The following CSTF3 variants were observed in gnomAD, a reference collection of about 807,000 sequenced individuals.
The protein encoded by CSTF3 is cleavage stimulation factor subunit 3, also known as CF-1 77 kDa subunit.
Under a neutral mutation model 105.8 loss-of-function variants are expected in CSTF3, and 29 were observed. The ratio of observed to expected loss-of-function variants is 0.27; its 90% CI spans 0.20 to 0.37. The LOEUF (loss-of-function observed/expected upper bound fraction) is 0.37, where lower values mean the gene tolerates loss of function less well. Among genes scored for constraint, CSTF3 ranks in the 10% least tolerant of loss-of-function variants. The pLI is 1.00. For synonymous variants in CSTF3, 252 were observed against 281.9 expected (o/e 0.89, Z 1.06); for missense variants, 357 against 879.3 (o/e 0.41, Z 7.51).
chr11:33,093,735 T>C (rs555818008), intron 15 of CSTF3, among the ~76,000 whole-genome samples: 2 of 152,038 alleles, frequency 1.3e-5, no homozygotes, highest in Non-Finnish European at 2.9e-5. Context: ...TGAGATGGAG[T>C]CACACTCTGT....
intron 1 of CSTF3, among the ~76,000 whole-genome samples, chr11:33,158,306 G>C: frequency 6.6e-6 from 1 of 152,156 alleles, no homozygotes; most frequent in Non-Finnish European, 1.5e-5. Context: ...GTTTGGACAA[G>C]TTGAGTGTGC....
intron 15 of CSTF3, among the ~76,000 whole-genome samples, chr11:33,095,313 A>C (rs1266296739): frequency 2.6e-5 from 4 of 152,238 alleles, no homozygotes; most frequent in Non-Finnish European, 5.9e-5. Flanking sequence ...CCTGGGCTCA[A>C]GTGATCCAAG....
Position 33,106,061 on chromosome 11 carries a change from T to C in CSTF3, c.360A>G (p.Glu120=). ...CAAAGTCATATGCTTGAGCCATTTT[T>C]TCTCTGAAATGAACATGAAAGACGT... ...ETKGKLPSYK[E]KMAQAYDFAL... is the part of the protein sequence containing the mutation. The change falls in exon 6 of 21, where the codon GAA becomes GAG. Residue 120 remains glutamate, a synonymous_variant. Transcript: ENST00000323959. 1 of 1,611,418 alleles carries C rather than the reference T, an allele frequency of 6.2e-7. No homozygotes were observed. Among genetic ancestry groups the C allele is most frequent in the Non-Finnish European group, 8.5e-7 (1 of 1,178,194 alleles).
chr11:33,134,082 A>G (rs1741128229), intron 3 of CSTF3, among the ~76,000 whole-genome samples: 1 of 152,094 alleles, frequency 6.6e-6, no homozygotes, highest in Non-Finnish European at 1.5e-5. Flanking sequence ...TATAGTTCGG[A>G]AAAAAAAGAT....
At chr11:33,151,918 T>C (rs1395429172) in intron 1 of CSTF3, among the ~76,000 whole-genome samples, 1 of 152,244 alleles carries the variant, frequency 6.6e-6, no homozygotes, top group Non-Finnish European at 1.5e-5. Context: ...CATTGTGGTT[T>C]TGATTTACAT....
intron 3 of CSTF3, among the ~76,000 whole-genome samples, chr11:33,125,986 G>A (rs1454873297): frequency 6.6e-6 from 1 of 152,090 alleles, no homozygotes; most frequent in African/African-American, 2.4e-5. Context: ...GCTAATCTGA[G>A]TAACCTAACT....
chr11:33,095,714 C>G (rs929113912), intron 15 of CSTF3, among the ~76,000 whole-genome samples: 77 of 150,826 alleles, frequency 5.1e-4, no homozygotes, highest in Middle Eastern at 3.4e-3. Context: ...CCAGCTACTC[C>G]GGAGGCTGAG....
intron 3 of CSTF3, among the ~76,000 whole-genome samples, chr11:33,120,378 TAG>T (rs1037354938): frequency 2.2e-4 from 34 of 151,876 alleles, no homozygotes; most frequent in African/African-American, 5.3e-4. Flanking sequence ...TTTTCTCCAT[TAG>T]AGTTTTTTTC....
chr11:33,115,115 C>T (rs396518), intron 3 of CSTF3, among the ~76,000 whole-genome samples: 84,474 of 151,928 alleles, frequency 0.56, 26,087 homozygotes, highest in Non-Finnish European at 0.69. Context: ...GCATTCCTAA[C>T]TTGTTCCCTG....
At chr11:33,153,887 G>A (rs1005555892) in intron 1 of CSTF3, among the ~76,000 whole-genome samples, 2 of 151,972 alleles carry the variant, frequency 1.3e-5, no homozygotes, top group African/African-American at 2.4e-5. Flanking sequence ...GATTTAAGAC[G>A]ATGTAAGCTT....
At chr11:33,151,209 G>T (rs917552490) in intron 1 of CSTF3, among the ~76,000 whole-genome samples, 2 of 151,254 alleles carry the variant, frequency 1.3e-5, no homozygotes, top group Non-Finnish European at 1.5e-5. Flanking sequence ...TTTTTTCTTT[G>T]AGACAGGATC....
chr11:33,117,049 G>T (rs759172179), intron 3 of CSTF3, among the ~76,000 whole-genome samples: 1 of 151,900 alleles, frequency 6.6e-6, no homozygotes, highest in Non-Finnish European at 1.5e-5. Flanking sequence ...TAGCAGATGG[G>T]GGTTGGTTTC....
At chr11:33,149,805 G>C (rs1733822048) in intron 1 of CSTF3, among the ~76,000 whole-genome samples, 1 of 152,164 alleles carries the variant, frequency 6.6e-6, no homozygotes, top group African/African-American at 2.4e-5. Flanking sequence ...GATCACCTGA[G>C]GTCAGGAGTT....
chr11:33,090,809 C>G, intron 16 of CSTF3, 82 bp from the exon 17 acceptor site: 1 of 830,722 alleles, frequency 1.2e-6, no homozygotes, highest in East Asian at 2.8e-5. Flanking sequence ...GCCTTAAGCT[C>G]TCTCTTTTTC....
intron 15 of CSTF3, among the ~76,000 whole-genome samples, chr11:33,095,029 G>A (rs1006102927): frequency 2.6e-5 from 4 of 152,140 alleles, no homozygotes; most frequent in East Asian, 1.9e-4. Context: ...CTCCCCAGTA[G>A]CTGGGATTAC....
chr11:33,095,812 T>C (rs1855215840), intron 15 of CSTF3, among the ~76,000 whole-genome samples: 1 of 87,532 alleles, frequency 1.1e-5, no homozygotes, highest in Non-Finnish European at 2.7e-5. Flanking sequence ...ACAGCGAGAC[T>C]CTGTCTCAAA....
At chr11:33,109,975 C>G (rs925721159) in intron 3 of CSTF3, among the ~76,000 whole-genome samples, 2 of 152,266 alleles carry the variant, frequency 1.3e-5, no homozygotes, top group South Asian at 2.1e-4. Flanking sequence ...TTCCACTTAG[C>G]CTATTACTGT....
rs753385605 is a variant in CSTF3, at chr11:33,099,754, A to T, written c.827-37T>A. 3 of 1,274,646 alleles carry T rather than the reference A, an allele frequency of 2.4e-6. No individual in the cohort carries two copies. Among genetic ancestry groups the T allele is most frequent in the South Asian group, 2.8e-5 (2 of 71,798 alleles). 79.0% of individuals were successfully genotyped at this position (1,274,646 alleles called of 1,614,324 possible). On this transcript the variant is annotated intron_variant, in intron 10 of 20. Transcript: ENST00000323959. The surrounding 1 kb of genome is among the most constrained non-coding windows in gnomAD (Gnocchi z 4.1). ...AATTAACAAACAATATTCAATTAAA[A>T]TAATTATTATTTGTAAAACTATCAA...
At chr11:33,115,249 A>C (rs1227385502) in intron 3 of CSTF3, among the ~76,000 whole-genome samples, 1 of 152,326 alleles carries the variant, frequency 6.6e-6, no homozygotes, top group South Asian at 2.1e-4. Context: ...CAAAAAGCTT[A>C]GCCAAATCCT....
Sources: gnomAD v4.1 joint callset for allele counts (sites outside exome capture counted in the v4.1 genomes callset) on GRCh38, gnomAD v4.1.1 for gene constraint, Gnocchi (gnomAD v3.1) non-coding constraint, MANE v1.5 for transcripts, NCBI Gene and HGNC (gene_info 2026-07-23, HGNC 2026-07-21) for gene names.